Variants in DPP10 observed in about 807,000 individuals in gnomAD.
DPP10 encodes dipeptidyl peptidase like 10.
In DPP10, 33 loss-of-function variants were observed where a neutral mutation model predicts 120.9. The observed-to-expected ratio is 0.27, with a 90% CI of 0.21 to 0.37. DPP10 has a LOEUF of 0.37. DPP10 is among the 10% of genes least tolerant of loss of function. DPP10 has a pLI of 1.00. For synonymous variants in DPP10, 337 were observed against 326.1 expected (o/e 1.03, Z -0.36); for missense variants, 816 against 942.8 (o/e 0.87, Z 1.76).
intron 5 of DPP10, among the ~76,000 whole-genome samples, chr2:115,645,884 A>G (rs571687121): frequency 2.6e-5 from 4 of 152,332 alleles, no homozygotes; most frequent in Admixed American, 2.6e-4. Context: ...TGAAGCATTT[A>G]TATCATGATG....
At chr2:115,208,330 G>T (rs958733295) in intron 1 of DPP10, among the ~76,000 whole-genome samples, 1 of 151,510 alleles carries the variant, frequency 6.6e-6, no homozygotes, top group Non-Finnish European at 1.5e-5. Context: ...CTCCCAAGTA[G>T]CTGGGATTAC....
chr2:115,266,213 T>C (rs1426435065), intron 1 of DPP10, among the ~76,000 whole-genome samples: 1 of 152,198 alleles, frequency 6.6e-6, no homozygotes, highest in Non-Finnish European at 1.5e-5. Context: ...GAAGGATTGA[T>C]TATGTATTAT....
In DPP10 at chr2:115,067,641, A is replaced by T. The variant is rs1453297054; in HGVS notation, c.61-241598A>T. Reference sequence around the variant, plus strand: ...CACTTTGGGAAGTCGAGGCAGGGGGATCACGAGGTCAGGAGATGGAGACCA... The same window carrying T: ...CACTTTGGGAAGTCGAGGCAGGGGGTTCACGAGGTCAGGAGATGGAGACCA... On this transcript the variant is annotated intron_variant, in intron 1 of 25. Coordinates refer to ENST00000410059, the MANE Select transcript of DPP10 (RefSeq NM_020868.6). Among the ~76,000 whole-genome samples the T allele has an allele frequency of 9.0e-5, 13 of 144,280 alleles. No individual in the cohort carries two copies. The East Asian group carries it at 2.9e-3, about 32-fold the overall frequency. 94.7% of individuals were successfully genotyped at this position (144,280 alleles called of 152,430 possible). A position where few individuals can be genotyped will look rare whatever the true frequency, so the allele number is the denominator to read the frequency against.
intron 3 of DPP10, among the ~76,000 whole-genome samples, chr2:115,469,888 A>AT: frequency 6.8e-6 from 1 of 147,744 alleles, no homozygotes; most frequent in Admixed American, 6.8e-5. Context: ...ACAAGAGAAA[A>AT]AAAAAAAAAA....
chr2:114,590,356 A>G (rs554241753), intron 1 of DPP10, among the ~76,000 whole-genome samples: 3 of 152,314 alleles, frequency 2.0e-5, no homozygotes, highest in Admixed American at 6.5e-5. Flanking sequence ...AAGGGAAGCA[A>G]TTAATATGAA....
intron 1 of DPP10, among the ~76,000 whole-genome samples, chr2:114,825,015 C>T (rs967331500): frequency 5.3e-5 from 8 of 152,230 alleles, no homozygotes; most frequent in African/African-American, 1.7e-4. Context: ...GAATCTTCTC[C>T]GTGCAGTTAA....
At chr2:114,811,102 C>T (rs1484218443) in intron 1 of DPP10, among the ~76,000 whole-genome samples, 1 of 152,134 alleles carries the variant, frequency 6.6e-6, no homozygotes. Flanking sequence ...TGCTTTGCAG[C>T]CTGGAGTAAA....
At chr2:115,485,522 T>A (rs1453834353) in intron 3 of DPP10, among the ~76,000 whole-genome samples, 1 of 152,138 alleles carries the variant, frequency 6.6e-6, no homozygotes, top group Non-Finnish European at 1.5e-5. Flanking sequence ...TAATGTTGTT[T>A]CTGTTTAAAT....
At chr2:115,623,046 C>T (rs2085087274) in intron 5 of DPP10, among the ~76,000 whole-genome samples, 1 of 151,914 alleles carries the variant, frequency 6.6e-6, no homozygotes, top group African/African-American at 2.4e-5. Context: ...GGGCTTTCAC[C>T]GTGTTAGCCA....
chr2:115,727,968 C>A, intron 8 of DPP10, 32 bp downstream of exon 8: 12 of 1,582,864 alleles, frequency 7.6e-6, no homozygotes, highest in Non-Finnish European at 9.4e-6. Flanking sequence ...TCAAAGGAAA[C>A]AAATGACATA....
intron 1 of DPP10, among the ~76,000 whole-genome samples, chr2:114,700,329 G>A (rs1025091209): frequency 6.6e-6 from 1 of 152,074 alleles, no homozygotes; most frequent in East Asian, 1.9e-4. Flanking sequence ...AATAGACAGA[G>A]TAAAACAAAC....
intron 1 of DPP10, among the ~76,000 whole-genome samples, chr2:114,896,324 A>C (rs1281830292): frequency 2.6e-5 from 4 of 152,082 alleles, no homozygotes; most frequent in Non-Finnish European, 4.4e-5. Flanking sequence ...TTACATTGGG[A>C]AGTATGGCCA....
intron 1 of DPP10, among the ~76,000 whole-genome samples, chr2:114,561,089 C>A (rs978359297): frequency 6.6e-6 from 1 of 152,196 alleles, no homozygotes; most frequent in South Asian, 2.1e-4. Context: ...TCCCTCCACA[C>A]CAGCTCCGTC....
intron 5 of DPP10, among the ~76,000 whole-genome samples, chr2:115,646,416 C>G (rs1436950147): frequency 6.6e-6 from 1 of 152,126 alleles, no homozygotes; most frequent in Non-Finnish European, 1.5e-5. Context: ...ATGGGAGATT[C>G]TATAATTACT....
At chr2:114,585,742 C>T (rs958479305) in intron 1 of DPP10, among the ~76,000 whole-genome samples, 12 of 152,064 alleles carry the variant, frequency 7.9e-5, no homozygotes, top group African/African-American at 2.9e-4. Flanking sequence ...ATGATGGTGG[C>T]GATTACCACC....
chr2:114,611,960 C>T (rs1311799494), intron 1 of DPP10, among the ~76,000 whole-genome samples: 2 of 152,156 alleles, frequency 1.3e-5, no homozygotes, highest in African/African-American at 4.8e-5. Context: ...ATTTTGTTCT[C>T]TCCATTTCCT....
intron 1 of DPP10, among the ~76,000 whole-genome samples, chr2:115,000,021 T>TA (rs1256016407): frequency 6.6e-6 from 1 of 151,792 alleles, no homozygotes; most frequent in Non-Finnish European, 1.5e-5. Flanking sequence ...AATTAGTTTT[T>TA]TTTTAATTTA....
In DPP10 at chr2:115,612,078, T is replaced by C. The variant is rs193241848; in HGVS notation, c.442-77609T>C. Among the ~76,000 whole-genome samples the C allele has an allele frequency of 1.7e-3, 255 of 152,254 alleles. 1 individual carries two copies. The highest frequency in any genetic ancestry group is 5.4e-3 in the African/African-American group (225 of 41,560). ...AATATGGAAGGAAAATGATACCAAA[T>C]TGTGGCTCTTCTCTATGGCCCTCAT... On this transcript the variant is annotated intron_variant, in intron 5 of 25. Transcript: ENST00000410059.
At chr2:115,091,002 A>T (rs530686649) in intron 1 of DPP10, among the ~76,000 whole-genome samples, 1 of 152,292 alleles carries the variant, frequency 6.6e-6, no homozygotes, top group African/African-American at 2.4e-5. Context: ...TGAACTTTAA[A>T]ATGGCAGTGC....
Sources: gnomAD v4.1 joint callset for allele counts (sites outside exome capture counted in the v4.1 genomes callset) on GRCh38, gnomAD v4.1.1 for gene constraint, MANE v1.5 for transcripts, NCBI Gene and HGNC (gene_info 2026-07-23, HGNC 2026-07-21) for gene names.